RIT2: variants seen among roughly 807,000 people sequenced by gnomAD.
RIT2 encodes the protein GTP-binding protein Rit2.
Under a neutral mutation model 23.7 loss-of-function variants are expected in RIT2, and 24 were observed. That is an observed-to-expected ratio of 1.01 (90% CI 0.73 to 1.43). The LOEUF (loss-of-function observed/expected upper bound fraction) is 1.43, where lower values mean the gene tolerates loss of function less well. RIT2 is among the 40% of genes most tolerant of loss of function. The pLI, the probability that RIT2 is intolerant of heterozygous loss-of-function variation, is 0.00. For synonymous variants in RIT2, 107 were observed against 91.1 expected (o/e 1.17, Z -0.99); for missense variants, 236 against 266.9 (o/e 0.88, Z 0.81).
chr18:42,929,841 A>G (rs1909282184), intron 3 of RIT2, among the ~76,000 whole-genome samples: 1 of 152,088 alleles, frequency 6.6e-6, no homozygotes, highest in Non-Finnish European at 1.5e-5. Context: ...GGGAACTCCA[A>G]AGAAGACTCC....
At chr18:42,762,774 C>A (rs912461987) in intron 4 of RIT2, among the ~76,000 whole-genome samples, 1 of 152,204 alleles carries the variant, frequency 6.6e-6, no homozygotes, top group Non-Finnish European at 1.5e-5. Flanking sequence ...TTCTTAGGAA[C>A]ATTGGATTAG....
At chr18:42,773,103 A>AC (rs1307190548) in intron 4 of RIT2, among the ~76,000 whole-genome samples, 1 of 152,156 alleles carries the variant, frequency 6.6e-6, no homozygotes, top group Non-Finnish European at 1.5e-5. Context: ...ATTGTTTTTA[A>AC]CCCCCTTCTG....
chr18:43,094,155 C>T (rs1913495113), intron 1 of RIT2, among the ~76,000 whole-genome samples: 1 of 130,798 alleles, frequency 7.6e-6, no homozygotes. Flanking sequence ...TTGCCTCAGG[C>T]TCCAATATGA....
chr18:43,025,492 G>A (rs531677422), intron 2 of RIT2, among the ~76,000 whole-genome samples: 7 of 152,058 alleles, frequency 4.6e-5, no homozygotes, highest in African/African-American at 1.7e-4. Flanking sequence ...TATGTTTATT[G>A]CAGCACTATT....
chr18:43,035,445 C>T (rs1227129691), intron 1 of RIT2, among the ~76,000 whole-genome samples: 1 of 151,992 alleles, frequency 6.6e-6, no homozygotes, highest in South Asian at 2.1e-4. Flanking sequence ...ATGGCAGTTG[C>T]CTCCCTCTCT....
intron 4 of RIT2, among the ~76,000 whole-genome samples, chr18:42,908,916 T>C (rs977337621): frequency 6.6e-6 from 1 of 152,138 alleles, no homozygotes; most frequent in Admixed American, 6.6e-5. Context: ...AACGGTATGG[T>C]GATTCCTTAA....
chr18:42,786,373 G>T (rs990019592), intron 4 of RIT2, among the ~76,000 whole-genome samples: 1 of 152,050 alleles, frequency 6.6e-6, no homozygotes, highest in African/African-American at 2.4e-5. Flanking sequence ...ACAACACATT[G>T]TTATTCATGA....
intron 4 of RIT2, among the ~76,000 whole-genome samples, chr18:42,901,439 C>A (rs888617484): frequency 2.0e-5 from 3 of 151,870 alleles, no homozygotes; most frequent in African/African-American, 4.8e-5. Context: ...GCTTTAATTG[C>A]AAGGGGAACT....
chr18:42,775,105 G>A (rs1394292304), intron 4 of RIT2, among the ~76,000 whole-genome samples: 5 of 152,092 alleles, frequency 3.3e-5, no homozygotes, highest in African/African-American at 7.2e-5. Flanking sequence ...CATAACAAAA[G>A]TTTCTTACAT....
intron 4 of RIT2, among the ~76,000 whole-genome samples, chr18:42,877,369 G>T (rs1907769883): frequency 6.6e-6 from 1 of 151,306 alleles, no homozygotes; most frequent in Non-Finnish European, 1.5e-5. Flanking sequence ...TTATCTCTAT[G>T]AGGGTAACTT....
chr18:42,920,564 C>T (rs1049481901), intron 4 of RIT2: 43 of 612,308 alleles, frequency 7.0e-5, no homozygotes, highest in Non-Finnish European at 1.2e-4. Flanking sequence ...CATTAAAGCT[C>T]AAGGAGGTGA....
chr18:42,823,673 A>G (rs1481911708), intron 4 of RIT2, among the ~76,000 whole-genome samples: 1 of 152,154 alleles, frequency 6.6e-6, no homozygotes, highest in Non-Finnish European at 1.5e-5. Context: ...AATACTAGTA[A>G]GTACATGTAT....
intron 4 of RIT2, among the ~76,000 whole-genome samples, chr18:42,923,059 A>G (rs1272728436): frequency 2.6e-5 from 4 of 152,252 alleles, no homozygotes; most frequent in African/African-American, 7.2e-5. Flanking sequence ...TTCGTGTTCT[A>G]TGTGGATTGG....
intron 4 of RIT2, among the ~76,000 whole-genome samples, chr18:42,842,558 C>T (rs1906795881): frequency 6.6e-6 from 1 of 152,110 alleles, no homozygotes; most frequent in Non-Finnish European, 1.5e-5. Context: ...AGATATTTAT[C>T]AACCACCATA....
intron 4 of RIT2, chr18:42,920,819 A>G: frequency 9.3e-7 from 1 of 1,077,840 alleles, no homozygotes; most frequent in Non-Finnish European, 1.4e-6. Flanking sequence ...TCACCACTAA[A>G]CAATAGCACC....
chr18:42,908,137 A>G (rs1908672296), intron 4 of RIT2, among the ~76,000 whole-genome samples: 1 of 148,886 alleles, frequency 6.7e-6, no homozygotes, highest in South Asian at 2.1e-4. Context: ...CCAAACAAAG[A>G]AAAAAAAAAG....
intron 1 of RIT2, among the ~76,000 whole-genome samples, chr18:43,112,434 A>T (rs1245894404): frequency 6.6e-6 from 1 of 152,212 alleles, no homozygotes; most frequent in Non-Finnish European, 1.5e-5. Context: ...CTAGTATAGG[A>T]CTGTGCATAA....
chr18:42,959,947 A>G (rs952000901), intron 3 of RIT2, among the ~76,000 whole-genome samples: 1 of 152,262 alleles, frequency 6.6e-6, no homozygotes, highest in Admixed American at 6.5e-5. Context: ...TTCCAAGAAA[A>G]GATGAATGAG....
At chr18:42,913,734 G>T (rs1908833419) in intron 4 of RIT2, among the ~76,000 whole-genome samples, 1 of 151,876 alleles carries the variant, frequency 6.6e-6, no homozygotes, top group South Asian at 2.1e-4. Flanking sequence ...GATGGTCAAA[G>T]GATACAACAT....
Sources: allele counts gnomAD v4.1 joint callset (sites outside exome capture counted in the v4.1 genomes callset), GRCh38; gene constraint gnomAD v4.1.1; transcripts MANE v1.5; gene names NCBI Gene and HGNC (gene_info 2026-07-23, HGNC 2026-07-21).